Variants in CSMD1 observed in about 807,000 individuals in gnomAD.
The protein encoded by CSMD1 is CUB and sushi domain-containing protein 1.
A neutral mutation model predicts 417.5 loss-of-function variants in CSMD1; 213 were observed. The observed-to-expected ratio is 0.51, with a 90% CI of 0.46 to 0.57. The LOEUF (loss-of-function observed/expected upper bound fraction) is 0.57. Among genes scored for constraint, CSMD1 ranks in the 20% least tolerant of loss-of-function variants. The probability of loss-of-function intolerance (pLI) is 0.00; values close to 1 mark genes in which losing one functional copy is unlikely to be tolerated. For synonymous variants in CSMD1, 2,862 were observed against 1,736.8 expected, an observed-to-expected ratio of 1.65 and a Z score of -16.11; for missense variants, 6,923 against 4,529.7, an observed-to-expected ratio of 1.53 and a Z score of -15.17.
intron 5 of CSMD1, among the ~76,000 whole-genome samples, chr8:3,841,467 C>A (rs1282879166): frequency 6.6e-6 from 1 of 152,138 alleles, no homozygotes; most frequent in African/African-American, 2.4e-5. Flanking sequence ...CAAGACCAAG[C>A]ACTGCATTCC....
intron 8 of CSMD1, among the ~76,000 whole-genome samples, chr8:3,590,565 G>C (rs139778631): frequency 1.3e-3 from 205 of 152,278 alleles, no homozygotes; most frequent in African/African-American, 4.8e-3. Context: ...AGTACATTGA[G>C]AGTACAGTAT....
chr8:3,661,225 C>A (rs1315611378), intron 7 of CSMD1, among the ~76,000 whole-genome samples: 2 of 152,168 alleles, frequency 1.3e-5, no homozygotes, highest in Non-Finnish European at 2.9e-5. Flanking sequence ...TACGAGTATG[C>A]ATCTGTAACA....
chr8:4,743,329 C>A (rs965177249), intron 1 of CSMD1, among the ~76,000 whole-genome samples: 2 of 152,070 alleles, frequency 1.3e-5, no homozygotes, highest in Non-Finnish European at 2.9e-5. Flanking sequence ...ATTCTGAACA[C>A]TAAATGGACA....
At chr8:3,930,129 A>G (rs1810038321) in intron 5 of CSMD1, among the ~76,000 whole-genome samples, 1 of 150,380 alleles carries the variant, frequency 6.6e-6, no homozygotes, top group African/African-American at 2.5e-5. Context: ...CTACAAAAGC[A>G]GTACCCTACC....
chr8:4,517,725 G>A (rs938000249), intron 2 of CSMD1, among the ~76,000 whole-genome samples: 3 of 152,126 alleles, frequency 2.0e-5, no homozygotes, highest in African/African-American at 4.8e-5. Context: ...TAAATAACTC[G>A]TTTATCAAAA....
At chr8:3,336,020 T>A (rs1000232333) in intron 23 of CSMD1, among the ~76,000 whole-genome samples, 1 of 152,106 alleles carries the variant, frequency 6.6e-6, no homozygotes, top group Non-Finnish European at 1.5e-5. Context: ...CTAGAAAACA[T>A]TTCTCCCATA....
At chr8:4,446,477 A>G (rs1024070199) in intron 2 of CSMD1, among the ~76,000 whole-genome samples, 3 of 152,122 alleles carry the variant, frequency 2.0e-5, no homozygotes, top group Non-Finnish European at 4.4e-5. Context: ...AACTTGGGAG[A>G]CTGAGGCTGC....
chr8:3,504,913 G>A (rs759722981), intron 10 of CSMD1, among the ~76,000 whole-genome samples: 1 of 152,210 alleles, frequency 6.6e-6, no homozygotes, highest in Non-Finnish European at 1.5e-5. Flanking sequence ...CCGTCAAAAT[G>A]CCAGTGAAAT....
At chr8:4,441,997 T>A (rs984552316) in intron 2 of CSMD1, among the ~76,000 whole-genome samples, 9 of 152,196 alleles carry the variant, frequency 5.9e-5, no homozygotes, top group Admixed American at 2.0e-4. Context: ...AAAGGTAGAC[T>A]TGCCCTGAGT....
At chr8:3,733,717 G>A (rs977783985) in intron 6 of CSMD1, among the ~76,000 whole-genome samples, 2 of 152,132 alleles carry the variant, frequency 1.3e-5, no homozygotes, top group Admixed American at 6.5e-5. Flanking sequence ...CTGGATGGAC[G>A]CCCATGGGGT....
intron 3 of CSMD1, among the ~76,000 whole-genome samples, chr8:4,195,661 T>C (rs1799293076): frequency 6.6e-6 from 1 of 152,132 alleles, no homozygotes; most frequent in South Asian, 2.1e-4. Context: ...CTTCTAGGCA[T>C]GATGAAGCAG....
In CSMD1 at chr8:3,967,890, G is replaced by C. The variant is rs977577060; in HGVS notation, c.818+30013C>G. ...GCTTAAGAATGTGCCACAATTGGCC[G>C]GGCGCAGTGGCTCACACGTGTAATC... On this transcript the variant is annotated intron_variant, in intron 5 of 69. Coordinates refer to ENST00000635120, the MANE Select transcript of CSMD1 (RefSeq NM_033225.6). Among the ~76,000 whole-genome samples, 8 of 151,856 alleles carry C rather than the reference G, an allele frequency of 5.3e-5. No individual in the cohort carries two copies. The East Asian group carries it at 1.4e-3, about 26-fold the overall frequency.
Position 4,364,640 on chromosome 8 carries a change from C to T in CSMD1, c.415+55313G>A, listed in dbSNP as rs1283195750. Among the ~76,000 whole-genome samples the T allele has an allele frequency of 1.7e-4, 4 of 23,210 alleles. 1 individual carries two copies. Among genetic ancestry groups the T allele is most frequent in the Non-Finnish European group, 2.9e-4 (4 of 13,856 alleles). 15.2% of individuals were successfully genotyped at this position (23,210 alleles called of 152,430 possible). ...GAGATCGAGACCATCCCGGCTAAAA[C>T]GGTGAAACCCCGTCTCTACTAAAAA... On this transcript the variant is annotated intron_variant, in intron 3 of 69. Transcript: ENST00000635120.
chr8:4,301,619 A>G lies in CSMD1; in HGVS notation c.415+118334T>C, dbSNP rs538531606. Among the ~76,000 whole-genome samples the G allele has an allele frequency of 3.9e-5, 6 of 152,314 alleles. No homozygotes were observed. In the East Asian group the frequency reaches 9.7e-4, roughly 25 times the overall value. On this transcript the variant is annotated intron_variant, in intron 3 of 69. Coordinates refer to ENST00000635120, the MANE Select transcript of CSMD1 (RefSeq NM_033225.6). ...GATTGTATAAGCTGAACCAGTCATC[A>G]TGTCTGTGGCACTGGCTGTTTTCTG...
intron 1 of CSMD1, among the ~76,000 whole-genome samples, chr8:4,950,450 A>G (rs1288952108): frequency 6.6e-6 from 1 of 152,196 alleles, no homozygotes; most frequent in Non-Finnish European, 1.5e-5. Context: ...TCAACTTGTG[A>G]AAAAGCAGAA....
chr8:4,301,135 A>C (rs759884253), intron 3 of CSMD1, among the ~76,000 whole-genome samples: 1 of 152,190 alleles, frequency 6.6e-6, no homozygotes, highest in Non-Finnish European at 1.5e-5. Context: ...TGAGGAGAGG[A>C]ATGAGCAGGA....
chr8:4,374,967 G>GGGGGC (rs1802635054), intron 3 of CSMD1, among the ~76,000 whole-genome samples: 1 of 133,548 alleles, frequency 7.5e-6, no homozygotes, highest in African/African-American at 2.7e-5. Flanking sequence ...GGGGTGGGGG[G>GGGGGC]GGGGGGCGAT....
intron 5 of CSMD1, among the ~76,000 whole-genome samples, chr8:3,826,551 A>G (rs1243505389): frequency 6.6e-6 from 1 of 152,078 alleles, no homozygotes; most frequent in East Asian, 1.9e-4. Flanking sequence ...CCCGGCTGAT[A>G]TGAGCGCCTC....
At chr8:3,947,985 C>A (rs1811351404) in intron 5 of CSMD1, among the ~76,000 whole-genome samples, 1 of 152,158 alleles carries the variant, frequency 6.6e-6, no homozygotes, top group Non-Finnish European at 1.5e-5. Flanking sequence ...GCAGGTGGAT[C>A]ACCTGAAGTC....
Sources: gnomAD v4.1 joint callset for allele counts (sites outside exome capture counted in the v4.1 genomes callset) on GRCh38, gnomAD v4.1.1 for gene constraint, MANE v1.5 for transcripts, NCBI Gene and HGNC (gene_info 2026-07-23, HGNC 2026-07-21) for gene names.